IL1RAPL1: variants seen among roughly 807,000 people sequenced by gnomAD.
IL1RAPL1 encodes the protein interleukin 1 receptor accessory protein like 1.
In IL1RAPL1, 3 loss-of-function variants were observed where a neutral mutation model predicts 48.4. The observed-to-expected ratio is 0.06, with a 90% CI of 0.03 to 0.16. The LOEUF is 0.16. Among genes scored for constraint, IL1RAPL1 ranks in the 10% least tolerant of loss-of-function variants. The pLI is 1.00. For missense variants in IL1RAPL1, 349 were observed against 530.6 expected, an observed-to-expected ratio of 0.66 and a Z score of 3.36; for synonymous variants, 185 against 187.7, an observed-to-expected ratio of 0.99 and a Z score of 0.12.
chrX:29,938,504 TC>T (rs1319510117), intron 8 of IL1RAPL1, among the ~76,000 whole-genome samples: 1 of 111,469 alleles, frequency 9.0e-6, no homozygotes, highest in Non-Finnish European at 1.9e-5. Flanking sequence ...CTTTCCTGAC[TC>T]CCAGCTTTCT....
intron 6 of IL1RAPL1, among the ~76,000 whole-genome samples, chrX:29,913,094 C>T (rs182677802): frequency 9.9e-5 from 11 of 110,929 alleles, no homozygotes; most frequent in Non-Finnish European, 2.1e-4. Context: ...CTGGTGAATC[C>T]AGCTTTTCTC....
chrX:29,389,005 A>G (rs1255377138), intron 3 of IL1RAPL1, among the ~76,000 whole-genome samples: 1 of 112,162 alleles, frequency 8.9e-6, no homozygotes, highest in Non-Finnish European at 1.9e-5. Flanking sequence ...ACATATTATG[A>G]GAAGCATACA....
At chrX:29,421,364 C>T (rs933862046) in intron 5 of IL1RAPL1, among the ~76,000 whole-genome samples, 48 of 111,081 alleles carry the variant, frequency 4.3e-4, no homozygotes, top group African/African-American at 1.3e-3. Context: ...GGCTCCTCCC[C>T]GCTGCAAAGG....
At chrX:28,646,689 GATATAAAGAGA>G (rs1320461774) in intron 1 of IL1RAPL1, among the ~76,000 whole-genome samples, 25 of 111,937 alleles carry the variant, frequency 2.2e-4, no homozygotes, top group Admixed American at 1.9e-4. Flanking sequence ...AAGTGAGATG[GATATAAAGAGA>G]AAATCCTACA....
chrX:29,158,931 T>TCAC (rs1428016080), intron 2 of IL1RAPL1, among the ~76,000 whole-genome samples: 1 of 55,677 alleles, frequency 1.8e-5, no homozygotes, highest in Non-Finnish European at 3.4e-5. Flanking sequence ...TCTCTCTCTC[T>TCAC]CCCCCCCCCT....
chrX:29,723,832 T>C lies in IL1RAPL1; in HGVS notation c.778+55328T>C, dbSNP rs377405238. ...ATATTATTATTATTGTTTTTATTTTTGAGACACAGTCTCGCTGTGTTGCCC... is the reference window on the plus strand; with the variant it reads ...ATATTATTATTATTGTTTTTATTTTCGAGACACAGTCTCGCTGTGTTGCCC... On this transcript the variant is annotated intron_variant, in intron 6 of 10. Transcript: ENST00000378993. 4.5e-5 allele frequency among the ~76,000 whole-genome samples: 5 copies of C among 111,215 alleles called. No individual in the cohort carries two copies. In the South Asian group the frequency reaches 1.9e-3, roughly 42 times the overall value.
chrX:29,763,642 AGTAAT>A (rs2147146626), intron 6 of IL1RAPL1, among the ~76,000 whole-genome samples: 1 of 111,340 alleles, frequency 9.0e-6, no homozygotes, highest in Non-Finnish European at 1.9e-5. Context: ...TATTAATAAA[AGTAAT>A]GTAAGTTTAG....
intron 1 of IL1RAPL1, among the ~76,000 whole-genome samples, chrX:28,760,853 C>T (rs1222131093): frequency 5.4e-5 from 6 of 110,276 alleles, no homozygotes; most frequent in Admixed American, 2.9e-4. Flanking sequence ...TTTGGGAGGC[C>T]GAGGTGGGTG....
At chrX:29,362,374 A>G (rs955260555) in intron 3 of IL1RAPL1, among the ~76,000 whole-genome samples, 1 of 112,033 alleles carries the variant, frequency 8.9e-6, no homozygotes, top group Non-Finnish European at 1.9e-5. Context: ...AAGTATGGCA[A>G]CACCTTCATA....
rs760732808 is a variant in IL1RAPL1 at position 29,294,742 on chromosome X, C to T, written c.362+11525C>T. On this transcript the variant is annotated intron_variant, in intron 3 of 10. Coordinates refer to ENST00000378993, the MANE Select transcript of IL1RAPL1 (RefSeq NM_014271.4). The stretch of plus-strand genomic sequence containing the variant: ...TTGCTGACCCCTGATCTAGAAAATG[C>T]CTTGCAGCTGTCAAATAGCAAAGCC... 2.7e-5 allele frequency among the ~76,000 whole-genome samples: 3 copies of T among 110,625 alleles called. No individual in the cohort carries two copies. The South Asian group carries it at 1.2e-3, about 43-fold the overall frequency.
chrX:29,825,374 C>T (rs1206178559), intron 6 of IL1RAPL1, among the ~76,000 whole-genome samples: 1 of 111,267 alleles, frequency 9.0e-6, no homozygotes, highest in Non-Finnish European at 1.9e-5. Flanking sequence ...TATGAGACCT[C>T]CTACTCCAAA....
chrX:29,093,219 C>A (rs1211421060), intron 2 of IL1RAPL1, among the ~76,000 whole-genome samples: 2 of 111,228 alleles, frequency 1.8e-5, no homozygotes, highest in Admixed American at 1.9e-4. Flanking sequence ...ATTCCACAGG[C>A]TGTACAGGAA....
chrX:28,789,990 A>G (rs1264676876), intron 2 of IL1RAPL1, among the ~76,000 whole-genome samples: 1 of 112,285 alleles, frequency 8.9e-6, no homozygotes, highest in East Asian at 2.8e-4. Flanking sequence ...GTTGGCATTT[A>G]TGAAAAACTT....
intron 2 of IL1RAPL1, among the ~76,000 whole-genome samples, chrX:29,183,552 C>T (rs1930188997): frequency 8.9e-6 from 1 of 111,993 alleles, no homozygotes; most frequent in Non-Finnish European, 1.9e-5. Flanking sequence ...ATCACATACT[C>T]ATCTCTATAC....
chrX:28,677,417 G>GT (rs1935010719), intron 1 of IL1RAPL1, among the ~76,000 whole-genome samples: 1 of 111,958 alleles, frequency 8.9e-6, no homozygotes, highest in South Asian at 3.7e-4. Context: ...TATAATGACT[G>GT]TGTAGCAGCA....
intron 6 of IL1RAPL1, among the ~76,000 whole-genome samples, chrX:29,692,723 C>G (rs766034665): frequency 5.4e-5 from 6 of 111,320 alleles, no homozygotes; most frequent in African/African-American, 2.0e-4. Context: ...TTCCTATTGT[C>G]TGTTTGGTTG....
chrX:29,343,830 C>G (rs1286469836), intron 3 of IL1RAPL1, among the ~76,000 whole-genome samples: 1 of 111,237 alleles, frequency 9.0e-6, no homozygotes, highest in Non-Finnish European at 1.9e-5. Flanking sequence ...AGAAACTCTT[C>G]TTAATTAGCT....
intron 5 of IL1RAPL1, among the ~76,000 whole-genome samples, chrX:29,521,826 T>C (rs1935506268): frequency 8.9e-6 from 1 of 112,108 alleles, no homozygotes; most frequent in African/African-American, 3.2e-5. Context: ...TCTTATAGTG[T>C]AATCATGTTA....
At chrX:28,720,142 A>G (rs889992250) in intron 1 of IL1RAPL1, among the ~76,000 whole-genome samples, 4 of 111,076 alleles carry the variant, frequency 3.6e-5, no homozygotes, top group Non-Finnish European at 7.6e-5. Context: ...GTTATCTTTT[A>G]TTTTCCTTTC....
Sources: gnomAD v4.1 joint callset for allele counts (sites outside exome capture counted in the v4.1 genomes callset) on GRCh38, gnomAD v4.1.1 for gene constraint, MANE v1.5 for transcripts, NCBI Gene and HGNC (gene_info 2026-07-23, HGNC 2026-07-21) for gene names.